ATP13A4: variants seen among roughly 807,000 people sequenced by gnomAD.
ATP13A4 encodes ATPase 13A4, also known as probable cation-transporting ATPase 13A4.
In ATP13A4, 114 loss-of-function variants were observed where a neutral mutation model predicts 142.5. That is an observed-to-expected ratio of 0.80 (90% CI 0.69 to 0.93). The LOEUF (loss-of-function observed/expected upper bound fraction) is 0.93, where lower values mean the gene tolerates loss of function less well. ATP13A4 is among the 40% of genes least tolerant of loss of function. The pLI is 0.00. For missense variants in ATP13A4, 1,392 were observed against 1,454.0 expected (o/e 0.96, Z 0.69); for synonymous variants, 488 against 514.8 (o/e 0.95, Z 0.70).
At chr3:193,457,529 C>T in intron 14 of ATP13A4, 64 bp from the exon 15 acceptor site, 1 of 1,458,470 alleles carries the variant, frequency 6.9e-7, no homozygotes, top group South Asian at 1.1e-5. Flanking sequence ...TGATGCTATG[C>T]TTGAACCCTC....
chr3:193,542,015 A>G (rs1463512254), intron 1 of ATP13A4, among the ~76,000 whole-genome samples: 5 of 152,204 alleles, frequency 3.3e-5, no homozygotes, highest in African/African-American at 1.2e-4. Flanking sequence ...GTATTCAAAT[A>G]GGAAAAGAGG....
chr3:193,588,128 G>C (rs530962037), intron 1 of ATP13A4, among the ~76,000 whole-genome samples: 3 of 152,154 alleles, frequency 2.0e-5, no homozygotes, highest in Non-Finnish European at 4.4e-5. Flanking sequence ...GCAAGACGCT[G>C]TCTCAAAATA....
intron 17 of ATP13A4, among the ~76,000 whole-genome samples, chr3:193,451,092 C>T (rs1216477281): frequency 6.6e-6 from 1 of 152,140 alleles, no homozygotes; most frequent in East Asian, 1.9e-4. Flanking sequence ...CCTAATAAAA[C>T]CCCATGCCTC....
intron 1 of ATP13A4, among the ~76,000 whole-genome samples, chr3:193,537,502 G>A (rs1054608029): frequency 6.6e-5 from 10 of 152,150 alleles, no homozygotes; most frequent in Non-Finnish European, 1.2e-4. Flanking sequence ...ATCTCAGGAC[G>A]TATGGCTAGG....
chr3:193,575,342 T>C (rs147730169), intron 2 of ATP13A4, among the ~76,000 whole-genome samples: 1 of 152,260 alleles, frequency 6.6e-6, no homozygotes, highest in Non-Finnish European at 1.5e-5. Flanking sequence ...GGCTTTTCTG[T>C]ATAGGAAAAT....
At chr3:193,440,439 G>A in intron 21 of ATP13A4, 119 bp downstream of exon 21, 1 of 1,538,032 alleles carries the variant, frequency 6.5e-7, no homozygotes, top group South Asian at 1.2e-5. Flanking sequence ...ATTATCTCAT[G>A]CAGCCGAAGT....
At position 193,562,010 on chromosome 3, in the gene ATP13A4, G is replaced by A. The variant is rs117759776; in HGVS notation, n.291+19697C>T. Among the ~76,000 whole-genome samples, 601 of 152,324 alleles carry A rather than the reference G, an allele frequency of 3.9e-3. 3 individuals carry two copies. Among genetic ancestry groups the A allele is most frequent in the South Asian group, 0.017 (81 of 4,824 alleles). On this transcript the variant is annotated intron_variant and non_coding_transcript_variant, in intron 2 of 3. Transcript: ENST00000489140. ...TCCAGCCTTTCTCTGGCACCAGGGA[G>A]CTTTGCTGTTGGCTAGCTGCAAGCT... is the stretch of plus-strand genomic sequence containing the variant.
chr3:193,586,758 T>G (rs1724680070), intron 1 of ATP13A4, among the ~76,000 whole-genome samples: 1 of 152,240 alleles, frequency 6.6e-6, no homozygotes, highest in African/African-American at 2.4e-5. Context: ...TTGATTACAA[T>G]TGTTTTATAA....
chr3:193,459,068 A>G lies in ATP13A4; in HGVS notation c.1674+13T>C, dbSNP rs1255861943. 3.7e-6 allele frequency: 6 copies of G among 1,614,062 alleles called. No homozygotes were observed. The highest frequency in any genetic ancestry group is 2.2e-5 in the East Asian group (1 of 44,896). On this transcript the variant is annotated intron_variant, in intron 14 of 29. Transcript: ENST00000342695. Reference sequence around the variant, plus strand: ...AAGAAGCTTCTCAGATTCTCTGAAGAGCAGAGGCTTACCCAGGTGGTGGCT... The same window carrying G: ...AAGAAGCTTCTCAGATTCTCTGAAGGGCAGAGGCTTACCCAGGTGGTGGCT...
chr3:193,556,374 T>A (rs190711474), upstream of ATP13A4, among the ~76,000 whole-genome samples: 38 of 152,282 alleles, frequency 2.5e-4, no homozygotes, highest in Admixed American at 2.5e-3. Context: ...TGTGTGTGTG[T>A]GTATATGTTG....
intron 14 of ATP13A4, chr3:193,458,570 C>T (rs1343174760): frequency 6.0e-6 from 1 of 167,608 alleles, no homozygotes; most frequent in African/African-American, 2.4e-5. Flanking sequence ...AGTTTAGAGT[C>T]TCAACAAAAG....
intron 1 of ATP13A4, among the ~76,000 whole-genome samples, chr3:193,524,243 A>G (rs1192507139): frequency 6.6e-6 from 1 of 152,230 alleles, no homozygotes; most frequent in Non-Finnish European, 1.5e-5. Flanking sequence ...CCAACTTAAT[A>G]GCCAAATCTG....
At chr3:193,411,197 G>T in intron 27 of ATP13A4, 127 bp from the exon 28 acceptor site, 1 of 725,520 alleles carries the variant, frequency 1.4e-6, no homozygotes, top group Non-Finnish European at 2.5e-6. Context: ...AATACTAGAT[G>T]GAAAGTATTC....
chr3:193,547,235 A>G (rs918344166), intron 1 of ATP13A4, among the ~76,000 whole-genome samples: 2 of 152,182 alleles, frequency 1.3e-5, no homozygotes, highest in Non-Finnish European at 2.9e-5. Flanking sequence ...TATTTCAAAT[A>G]CTTCCTCACT....
chr3:193,526,187 G>A (rs1011178400), intron 1 of ATP13A4, among the ~76,000 whole-genome samples: 1 of 152,060 alleles, frequency 6.6e-6, no homozygotes, highest in East Asian at 1.9e-4. Context: ...ATTGTAAATA[G>A]TGCTGCAATA....
rs996259167 is a variant in ATP13A4 at position 193,467,396 on chromosome 3, T to C, written c.1034A>G (p.His345Arg). ...KTQSEADYKR[H>R]VLFCGTEVIQ... ...AACCTCTGTTCCACAGAAGAGGACA[T>C]GCCGCTTGTAATCCGCTTCACTCTG... Residue 345 changes from histidine (H) to arginine (R), a missense_variant, in exon 10 of 30, where the codon CAT becomes CGT. His to Arg is a conservative substitution (Grantham distance 29). Coordinates refer to ENST00000342695, the MANE Select transcript of ATP13A4 (RefSeq NM_032279.4). 1 of 1,614,088 alleles carries C rather than the reference T, an allele frequency of 6.2e-7. No individual in the cohort carries two copies. Among genetic ancestry groups the C allele is most frequent in the African/African-American group, 1.3e-5 (1 of 75,024 alleles).
chr3:193,559,630 C>T (rs543175883), upstream of ATP13A4, among the ~76,000 whole-genome samples: 1 of 152,088 alleles, frequency 6.6e-6, no homozygotes, highest in Non-Finnish European at 1.5e-5. Context: ...ATACAAAGAT[C>T]CAGGGACTCC....
intron 2 of ATP13A4, among the ~76,000 whole-genome samples, chr3:193,560,328 C>T (rs1299793232): frequency 6.6e-6 from 1 of 151,992 alleles, no homozygotes; most frequent in South Asian, 2.1e-4. Context: ...GCCACCTCAG[C>T]CTCTCAAGCA....
intron 17 of ATP13A4, among the ~76,000 whole-genome samples, chr3:193,452,095 G>T (rs544731796): frequency 6.6e-6 from 1 of 152,052 alleles, no homozygotes; most frequent in African/African-American, 2.4e-5. Context: ...GCTTTGTTAC[G>T]TGCATGCATT....
Sources: allele counts gnomAD v4.1 joint callset (sites outside exome capture counted in the v4.1 genomes callset), GRCh38; gene constraint gnomAD v4.1.1; transcripts MANE v1.5; gene names NCBI Gene and HGNC (gene_info 2026-07-23, HGNC 2026-07-21).